Variants in SPECC1 observed in about 807,000 individuals in gnomAD.
The protein encoded by SPECC1 is cytospin-B.
In SPECC1, 62 loss-of-function variants were observed where a neutral mutation model predicts 104.1. The observed-to-expected ratio is 0.60, with a 90% CI of 0.49 to 0.74. The LOEUF (loss-of-function observed/expected upper bound fraction) is 0.74, where lower values mean the gene tolerates loss of function less well. Ranked by LOEUF, SPECC1 falls within the 30% of genes least tolerant of loss-of-function variation. The probability of loss-of-function intolerance (pLI) is 0.00; values close to 1 mark genes in which losing one functional copy is unlikely to be tolerated. For missense variants in SPECC1, 1,306 were observed against 1,310.5 expected, an observed-to-expected ratio of 1.00 and a Z score of 0.05; for synonymous variants, 513 against 501.6, an observed-to-expected ratio of 1.02 and a Z score of -0.30.
intron 1 of SPECC1, among the ~76,000 whole-genome samples, chr17:20,071,620 CT>C (rs2046557031): frequency 6.6e-6 from 1 of 152,090 alleles, no homozygotes. Flanking sequence ...ATCCAGTCTT[CT>C]TTTTTGTCAT....
chr17:20,235,873 C>T (rs1347755811), intron 7 of SPECC1, among the ~76,000 whole-genome samples: 5 of 126,716 alleles, frequency 3.9e-5, no homozygotes, highest in Admixed American at 8.1e-5. Flanking sequence ...GCATTGTCCC[C>T]TCTTGGAGGT....
At chr17:20,298,909 A>G (rs1375814576) in intron 13 of SPECC1, among the ~76,000 whole-genome samples, 1 of 129,476 alleles carries the variant, frequency 7.7e-6, no homozygotes, top group Non-Finnish European at 1.6e-5. Context: ...TTCTCCAAAA[A>G]AGCAGAACCA....
intron 3 of SPECC1, among the ~76,000 whole-genome samples, chr17:20,167,505 C>T (rs925284242): frequency 6.6e-6 from 1 of 151,992 alleles, no homozygotes; most frequent in African/African-American, 2.4e-5. Context: ...ATGGAGAAAC[C>T]CTATCTCTAC....
intron 1 of SPECC1, among the ~76,000 whole-genome samples, chr17:20,020,554 A>C (rs4925068): frequency 1.3e-5 from 2 of 152,172 alleles, no homozygotes; most frequent in Non-Finnish European, 2.9e-5. Flanking sequence ...GGCTGATCTC[A>C]AACTCCTAAT....
chr17:20,035,387 TTACTA>T (rs1276045871), intron 1 of SPECC1, among the ~76,000 whole-genome samples: 2 of 152,226 alleles, frequency 1.3e-5, no homozygotes, highest in East Asian at 1.9e-4. Flanking sequence ...ATTGGCATCT[TTACTA>T]TATTAAGTTT....
chr17:20,059,317 C>T (rs1383395525), intron 1 of SPECC1, among the ~76,000 whole-genome samples: 5 of 151,928 alleles, frequency 3.3e-5, no homozygotes, highest in Non-Finnish European at 7.4e-5. Context: ...TCATAAAGAG[C>T]GGAAAACCTA....
rs528367863 is a variant in SPECC1 at position 20,051,027 on chromosome 17, A to G, written c.-22+41603A>G. Among the ~76,000 whole-genome samples, 11 of 152,306 alleles carry G rather than the reference A, an allele frequency of 7.2e-5. No individual in the cohort carries two copies. The South Asian group carries it at 2.3e-3, about 32-fold the overall frequency. On this transcript the variant is annotated intron_variant, in intron 1 of 14. Coordinates refer to ENST00000395527, the MANE Select transcript of SPECC1 (RefSeq NM_001243439.2). ...CGTGCATGGAAAAACATAGCATAGT[A>G]GGTCCCAAATAAGCACTTGGTTCTT...
intron 3 of SPECC1, among the ~76,000 whole-genome samples, chr17:20,165,016 AATTTT>A (rs2033523505): frequency 6.6e-6 from 1 of 152,086 alleles, no homozygotes. Context: ...TAAAAAAATT[AATTTT>A]ATTTTAAGTT....
chr17:20,105,550 C>G lies in SPECC1; in HGVS notation c.148-4877C>G, dbSNP rs144173092. On this transcript the variant is annotated intron_variant, in intron 2 of 14. Transcript: ENST00000395527. Reference sequence around the variant, plus strand: ...CCCACTCCCTCCCCACCCTTGAAAACAAAAACAAACCCTGCGATGCAGCAC... The same window carrying G: ...CCCACTCCCTCCCCACCCTTGAAAAGAAAAACAAACCCTGCGATGCAGCAC... Among the ~76,000 whole-genome samples, 570 of 152,206 alleles carry G rather than the reference C, an allele frequency of 3.7e-3. 2 individuals carry two copies. Among genetic ancestry groups the G allele is most frequent in the African/African-American group, 0.012 (512 of 41,524 alleles).
At chr17:20,237,675 G>A (rs533957480) in intron 7 of SPECC1, 1 of 196,236 alleles carries the variant, frequency 5.1e-6, no homozygotes, top group East Asian at 7.9e-5. Flanking sequence ...CGTGGTGTCT[G>A]ATCATCTTGG....
intron 3 of SPECC1, among the ~76,000 whole-genome samples, chr17:20,159,612 G>C (rs1190069856): frequency 1.3e-5 from 2 of 152,234 alleles, no homozygotes; most frequent in Non-Finnish European, 2.9e-5. Context: ...ATTGGCTGTG[G>C]TGGCAGCAGG....
intron 3 of SPECC1, among the ~76,000 whole-genome samples, chr17:20,181,944 A>G (rs2034920910): frequency 2.0e-5 from 3 of 152,106 alleles, no homozygotes; most frequent in Non-Finnish European, 4.4e-5. Flanking sequence ...CTTCCCAAGT[A>G]GCCTGCTTAA....
intron 1 of SPECC1, among the ~76,000 whole-genome samples, chr17:20,051,047 GTTCTTTCTTTCTTTCTTTCTTT>G (rs2045721130): frequency 1.4e-5 from 2 of 143,012 alleles, no homozygotes; most frequent in African/African-American, 2.6e-5. Flanking sequence ...TAAGCACTTG[GTTCTTTCTTTCTTTCTTTCTTT>G]TTCTTTCTTT....
chr17:20,103,667 C>G (rs1262606206), intron 2 of SPECC1, among the ~76,000 whole-genome samples: 2 of 152,170 alleles, frequency 1.3e-5, no homozygotes. Flanking sequence ...CTCCCACATA[C>G]ATGTGGAGGG....
At chr17:20,134,262 G>A (rs1006857640) in intron 3 of SPECC1, among the ~76,000 whole-genome samples, 1 of 151,616 alleles carries the variant, frequency 6.6e-6, no homozygotes, top group African/African-American at 2.4e-5. Context: ...TGGTAGTAGT[G>A]AGAAACATGG....
chr17:20,279,713 G>A (rs55714849), intron 12 of SPECC1, among the ~76,000 whole-genome samples: 1 of 152,064 alleles, frequency 6.6e-6, no homozygotes, highest in African/African-American at 2.4e-5. Context: ...TATTTTCTTA[G>A]TACAATTCTA....
At chr17:20,237,123 CAG>C (rs1321260989) in intron 7 of SPECC1, 3 of 1,389,720 alleles carry the variant, frequency 2.2e-6, no homozygotes, top group East Asian at 5.3e-5. Context: ...TACTTTTCCT[CAG>C]AAGATTGAGC....
chr17:20,176,391 G>A lies in SPECC1; in HGVS notation c.284-27942G>A, dbSNP rs142128571. 9.4e-4 allele frequency among the ~76,000 whole-genome samples: 143 copies of A among 152,172 alleles called. 2 individuals are homozygous for A. The highest frequency in any genetic ancestry group is 1.5e-3 in the Non-Finnish European group (103 of 67,998). On this transcript the variant is annotated intron_variant, in intron 3 of 14. Coordinates refer to ENST00000395527, the MANE Select transcript of SPECC1 (RefSeq NM_001243439.2). ...TTCATTTCTCACCAAATGCAGACAG[G>A]TGCTTCTCCCTACTTCCGTGTCCCT...
intron 3 of SPECC1, among the ~76,000 whole-genome samples, chr17:20,122,850 G>GAT (rs991390478): frequency 5.9e-5 from 9 of 152,128 alleles, no homozygotes; most frequent in Non-Finnish European, 1.2e-4. Context: ...TCCTTGTCTG[G>GAT]ATATACCGTA....
Sources: gnomAD v4.1 joint callset for allele counts (sites outside exome capture counted in the v4.1 genomes callset) on GRCh38, gnomAD v4.1.1 for gene constraint, MANE v1.5 for transcripts, NCBI Gene and HGNC (gene_info 2026-07-23, HGNC 2026-07-21) for gene names.